PLAC1: variants seen among roughly 807,000 people sequenced by gnomAD.
PLAC1 encodes the protein placenta-specific protein 1.
For synonymous variants in PLAC1, 68 were observed against 62.1 expected (o/e 1.09, Z -0.44); for missense variants, 136 against 163.2 (o/e 0.83, Z 0.91).
chrX:134,575,350 A>AT (rs772654494), intron 2 of PLAC1, among the ~76,000 whole-genome samples: 95 of 110,373 alleles, frequency 8.6e-4, no homozygotes, highest in African/African-American at 3.0e-3. Context: ...AAACATAACA[A>AT]TTTTTTAAAA....
chrX:134,648,072 C>T (rs2078343346), intron 1 of PLAC1, among the ~76,000 whole-genome samples: 1 of 111,614 alleles, frequency 9.0e-6, no homozygotes, highest in African/African-American at 3.3e-5. Flanking sequence ...CCCCAGCACC[C>T]TGCCTGGAAT....
rs186190461 is a variant in PLAC1, at chrX:134,747,148, A to C, written n.90-13629T>G. Among the ~76,000 whole-genome samples the C allele has an allele frequency of 2.2e-3, 247 of 112,279 alleles. 1 individual carries two copies. Among genetic ancestry groups the C allele is most frequent in the Middle Eastern group, 4.6e-3 (1 of 217 alleles). Reference sequence around the variant, plus strand: ...CCCTCAGGCCTTCTCATTCAGGACAATGACATACTCTGGGAGAGGTGGGGT... The same window carrying C: ...CCCTCAGGCCTTCTCATTCAGGACACTGACATACTCTGGGAGAGGTGGGGT... On this transcript the variant is annotated intron_variant and non_coding_transcript_variant, in intron 1 of 2. Coordinates refer to the PLAC1 transcript ENST00000466797.
chrX:134,681,258 G>T, intron 2 of PLAC1, among the ~76,000 whole-genome samples: 1 of 111,560 alleles, frequency 9.0e-6, no homozygotes, highest in Non-Finnish European at 1.9e-5. Flanking sequence ...TACTGTGTAT[G>T]ATGAGATTTA....
intron 2 of PLAC1, among the ~76,000 whole-genome samples, chrX:134,577,011 G>A (rs957660646): frequency 2.7e-5 from 3 of 111,862 alleles, no homozygotes; most frequent in Non-Finnish European, 5.6e-5. Context: ...CCAACAAATG[G>A]AACAGACACA....
At chrX:134,628,376 C>T (rs889553882) in intron 1 of PLAC1, among the ~76,000 whole-genome samples, 5 of 111,944 alleles carry the variant, frequency 4.5e-5, no homozygotes, top group Non-Finnish European at 9.4e-5. Context: ...CCTGGATCCA[C>T]GACCTTCAGG....
At chrX:134,715,416 G>A (rs766865050) in intron 2 of PLAC1, among the ~76,000 whole-genome samples, 6 of 110,610 alleles carry the variant, frequency 5.4e-5, no homozygotes, top group Admixed American at 9.7e-5. Flanking sequence ...CACTTGGAAG[G>A]GTCCTTCAAA....
intron 2 of PLAC1, among the ~76,000 whole-genome samples, chrX:134,579,068 C>T (rs5933430): frequency 0.49 from 54,156 of 110,081 alleles, 11,182 homozygotes; most frequent in East Asian, 0.69. Context: ...CTTGTTTAAA[C>T]GTGTATGGAT....
At chrX:134,653,539 G>A (rs1269230488) in intron 1 of PLAC1, among the ~76,000 whole-genome samples, 1 of 111,450 alleles carries the variant, frequency 9.0e-6, no homozygotes, top group Non-Finnish European at 1.9e-5. Flanking sequence ...ATTGGGCCTT[G>A]CTCTACCTTG....
At chrX:134,642,980 C>T (rs990144920) in intron 1 of PLAC1, among the ~76,000 whole-genome samples, 4 of 109,211 alleles carry the variant, frequency 3.7e-5, no homozygotes, top group Admixed American at 2.0e-4. Context: ...GAGGACAGAA[C>T]TGTATTTAGA....
At chrX:134,639,864 T>C (rs1326451481) in intron 1 of PLAC1, among the ~76,000 whole-genome samples, 2 of 112,338 alleles carry the variant, frequency 1.8e-5, no homozygotes, top group Admixed American at 1.9e-4. Context: ...TAGCATAATG[T>C]TTTCAAGGTT....
At chrX:134,736,583 G>A (rs1270965737) in intron 1 of PLAC1, among the ~76,000 whole-genome samples, 3 of 111,731 alleles carry the variant, frequency 2.7e-5, no homozygotes, top group Non-Finnish European at 3.8e-5. Flanking sequence ...CTCTGAACCC[G>A]ACAGCTGGTA....
At chrX:134,718,646 C>G (rs901092118) in intron 2 of PLAC1, among the ~76,000 whole-genome samples, 1 of 112,089 alleles carries the variant, frequency 8.9e-6, no homozygotes, top group Non-Finnish European at 1.9e-5. Context: ...CCTGCAGCCC[C>G]GCCTGGAGGG....
intron 1 of PLAC1, among the ~76,000 whole-genome samples, chrX:134,618,695 C>A (rs1050700426): frequency 1.8e-5 from 2 of 112,001 alleles, no homozygotes; most frequent in Non-Finnish European, 3.8e-5. Flanking sequence ...TGATTACAGG[C>A]GTGAGCCACC....
In PLAC1 at chrX:134,592,057, G is replaced by GACAAC. The variant is rs750350072; in HGVS notation, c.-59+9993_-59+9994insGTTGT. ...TAGATATGTGTCAGTTGTCAGATGT[G>GACAAC]TGGTTTGAAAATATTTTCTCCCATT... On this transcript the variant is annotated intron_variant, in intron 2 of 2. Coordinates refer to ENST00000359237, the MANE Select transcript of PLAC1 (RefSeq NM_021796.4). Among the ~76,000 whole-genome samples, 26 of 111,732 alleles carry GACAAC rather than the reference G, an allele frequency of 2.3e-4. No individual in the cohort carries two copies. The South Asian group carries it at 9.7e-3, about 42-fold the overall frequency.
chrX:134,611,492 T>TAG (rs754575808), intron 1 of PLAC1, among the ~76,000 whole-genome samples: 1,562 of 71,848 alleles, frequency 0.022, 38 homozygotes, highest in African/African-American at 0.088. Flanking sequence ...AGATTATATA[T>TAG]ATAGATATAT....
intron 2 of PLAC1, among the ~76,000 whole-genome samples, chrX:134,579,231 G>A (rs765288928): frequency 9.0e-6 from 1 of 110,758 alleles, no homozygotes; most frequent in South Asian, 4.0e-4. Context: ...CCAAAGACAG[G>A]CATCACATGT....
At chrX:134,581,440 T>C (rs2077973580) in intron 2 of PLAC1, among the ~76,000 whole-genome samples, 1 of 105,252 alleles carries the variant, frequency 9.5e-6, no homozygotes, top group Non-Finnish European at 1.9e-5. Context: ...TGAGTTTATT[T>C]CCCCCCAATA....
At chrX:134,692,662 G>C (rs1467448322) in intron 2 of PLAC1, among the ~76,000 whole-genome samples, 1 of 112,035 alleles carries the variant, frequency 8.9e-6, no homozygotes, top group Non-Finnish European at 1.9e-5. Context: ...GTTGCTTTTG[G>C]TGCTCCAATT....
intron 1 of PLAC1, among the ~76,000 whole-genome samples, chrX:134,753,965 T>A (rs749858772): frequency 3.6e-5 from 4 of 112,413 alleles, no homozygotes; most frequent in African/African-American, 1.3e-4. Flanking sequence ...AAAAATACTA[T>A]CAATGTTTAA....
Sources: gnomAD v4.1 joint callset for allele counts (sites outside exome capture counted in the v4.1 genomes callset) on GRCh38, gnomAD v4.1.1 for gene constraint, MANE v1.5 for transcripts, NCBI Gene and HGNC (gene_info 2026-07-23, HGNC 2026-07-21) for gene names.